Variants in TOP3A observed in about 807,000 individuals in gnomAD.
TOP3A encodes DNA topoisomerase III alpha, also known as DNA topoisomerase 3-alpha.
A neutral mutation model predicts 111.3 loss-of-function variants in TOP3A; 64 were observed. The ratio of observed to expected loss-of-function variants is 0.57; its 90% CI spans 0.47 to 0.71. The LOEUF (loss-of-function observed/expected upper bound fraction) is 0.71. Ranked by LOEUF, TOP3A falls within the 30% of genes least tolerant of loss-of-function variation. TOP3A has a pLI of 0.00. For synonymous variants in TOP3A, 484 were observed against 485.1 expected, an observed-to-expected ratio of 1.00 and a Z score of 0.03; for missense variants, 1,104 against 1,285.0, an observed-to-expected ratio of 0.86 and a Z score of 2.15.
Position 18,273,031 on chromosome 17 carries a change from A to C in TOP3A, c.*1771T>G, listed in dbSNP as rs769736320. 1 of 152,126 alleles carries C rather than the reference A, an allele frequency of 6.6e-6. No individual in the cohort carries two copies. Among genetic ancestry groups the C allele is most frequent in the Non-Finnish European group, 1.5e-5 (1 of 68,032 alleles). The allele number at this position is 152,126 out of a possible 1,614,324, so 9.4% of individuals were successfully genotyped here. Reference sequence around the variant, plus strand: ...CAAAAAGTGGTTGGTGGTACCCCGGAGCTGGGATAGGCAAAATCACACACG... The same window carrying C: ...CAAAAAGTGGTTGGTGGTACCCCGGCGCTGGGATAGGCAAAATCACACACG... On this transcript the variant is annotated 3_prime_UTR_variant, in exon 19 of 19. Coordinates refer to ENST00000321105, the MANE Select transcript of TOP3A (RefSeq NM_004618.5).
At chr17:18,278,445 T>G (rs1979548388) in intron 17 of TOP3A, 88 bp from the exon 18 acceptor site, 1 of 1,231,356 alleles carries the variant, frequency 8.1e-7, no homozygotes, top group African/African-American at 1.5e-5. Context: ...GCCCTAGGCC[T>G]CTCTCCACCA....
At chr17:18,306,814 T>A (rs1396436687) in intron 4 of TOP3A, 77 bp downstream of exon 4, 2 of 961,316 alleles carry the variant, frequency 2.1e-6, no homozygotes, top group Admixed American at 2.1e-5. Flanking sequence ...CAAATGCCAA[T>A]GCATTAAAAA....
rs558756856 is a variant in TOP3A at position 18,306,962 on chromosome 17, T to A, written c.319A>T (p.Ser107Cys). The A allele has an allele frequency of 1.9e-6, 3 of 1,612,986 alleles. No homozygotes were observed. Among genetic ancestry groups the A allele is most frequent in the African/African-American group, 2.7e-5 (2 of 75,030 alleles). The change falls in exon 4 of 19, where the codon AGC (serine) becomes TGC (cysteine). Residue 107 changes from serine to cysteine, a missense_variant. By Grantham distance (112) the Ser-to-Cys change is moderately radical (BLOSUM62 -1). Transcript: ENST00000321105. ...DFQMQFRKWQ[S>C]CNPLVLFEAE... is the part of the protein sequence containing the mutation. ...TCAAAGAGGACAAGAGGGTTGCAGC[T>A]CTGCCTAGAAAAGAAATGAAAACAG...
intron 13 of TOP3A, among the ~76,000 whole-genome samples, chr17:18,287,292 G>C (rs1003754436): frequency 1.3e-5 from 2 of 152,076 alleles, no homozygotes; most frequent in Admixed American, 1.3e-4. Flanking sequence ...CCAGCACTTT[G>C]GGAGACCGAG....
At chr17:18,295,492 G>A (rs1980740158) in intron 9 of TOP3A, among the ~76,000 whole-genome samples, 1 of 151,362 alleles carries the variant, frequency 6.6e-6, no homozygotes, top group African/African-American at 2.4e-5. Flanking sequence ...AGACAGTCTC[G>A]CTCTTGTTGC....
intron 11 of TOP3A, 115 bp from the exon 12 acceptor site, chr17:18,291,142 A>G: frequency 9.3e-7 from 1 of 1,073,620 alleles, no homozygotes; most frequent in African/African-American, 1.6e-5. Flanking sequence ...ACTGCTCCTC[A>G]GGCCCTGCAC....
chr17:18,279,355 C>T (rs1411156284), intron 17 of TOP3A, among the ~76,000 whole-genome samples: 1 of 152,006 alleles, frequency 6.6e-6, no homozygotes, highest in East Asian at 1.9e-4. Flanking sequence ...CTCCTGGGTT[C>T]ACGCCATTCT....
chr17:18,285,602 G>A (rs536649707), intron 13 of TOP3A, 82 bp from the exon 14 acceptor site: 57 of 1,172,634 alleles, frequency 4.9e-5, no homozygotes, highest in African/African-American at 1.2e-4. Flanking sequence ...TGCTCACCCC[G>A]GAATCCCTCC....
chr17:18,298,502 A>G, intron 9 of TOP3A, among the ~76,000 whole-genome samples: 1 of 144,540 alleles, frequency 6.9e-6, no homozygotes, highest in Non-Finnish European at 1.5e-5. Flanking sequence ...GGCTGCCCCT[A>G]CTGGGAAGTG....
intron 1 of TOP3A, among the ~76,000 whole-genome samples, chr17:18,313,696 T>C (rs897874984): frequency 1.3e-5 from 2 of 151,964 alleles, no homozygotes; most frequent in Admixed American, 1.3e-4. Flanking sequence ...TAGACAAACC[T>C]TGGGGCTGGT....
chr17:18,312,437 T>C (rs1981971533), intron 1 of TOP3A: 1 of 154,144 alleles, frequency 6.5e-6, no homozygotes, highest in Non-Finnish European at 1.5e-5. Flanking sequence ...CCGTCAAGAC[T>C]GTGGTGTCAA....
At position 18,292,733 on chromosome 17, in the gene TOP3A, T is replaced by G; in HGVS notation, c.1193A>C (p.Glu398Ala). Residue 398 changes from glutamate to alanine, a missense_variant, in exon 11 of 19, where the codon GAG becomes GCG. Physicochemically the swap from Glu to Ala is moderately radical, Grantham distance 107 (BLOSUM62 -1). Transcript: ENST00000321105. ...RWGAFAQSIL[E>A]RGGPTPRNGN... ...ATTGCGTGGGGTGGGACCACCCCGCTCTAGAATGCTCTGGGCAAAGGCCCC... is the reference window on the plus strand; with the variant it reads ...ATTGCGTGGGGTGGGACCACCCCGCGCTAGAATGCTCTGGGCAAAGGCCCC... 1 of 1,612,874 alleles carries G rather than the reference T, an allele frequency of 6.2e-7. No homozygotes were observed. The highest frequency in any genetic ancestry group is 8.5e-7 in the Non-Finnish European group (1 of 1,179,234).
chr17:18,306,984 A>G lies in TOP3A; in HGVS notation c.315-18T>C. 1 of 1,593,792 alleles carries G rather than the reference A, an allele frequency of 6.3e-7. No homozygotes were observed. The highest frequency in any genetic ancestry group is 1.1e-5 in the South Asian group (1 of 90,584). On this transcript the variant is annotated intron_variant, in intron 3 of 18. Transcript: ENST00000321105. Reference sequence around the variant, plus strand: ...AGCTCTGCCTAGAAAAGAAATGAAAACAGAGTCCCAACTCAGTACATGACA... The same window carrying G: ...AGCTCTGCCTAGAAAAGAAATGAAAGCAGAGTCCCAACTCAGTACATGACA...
At chr17:18,303,960 G>T (rs1363172428) in intron 5 of TOP3A, among the ~76,000 whole-genome samples, 1 of 152,058 alleles carries the variant, frequency 6.6e-6, no homozygotes, top group East Asian at 1.9e-4. Flanking sequence ...ATACTAAAAT[G>T]CTCTTGGTGA....
At chr17:18,298,488 G>A (rs1365708230) in intron 9 of TOP3A, among the ~76,000 whole-genome samples, 1 of 150,080 alleles carries the variant, frequency 6.7e-6, no homozygotes, top group Non-Finnish European at 1.5e-5. Flanking sequence ...GGGCGCCTCT[G>A]CCCGGCTGCC....
In TOP3A at chr17:18,277,206, AG is replaced by A. The variant is rs567230823; in HGVS notation, c.2827+468del. On this transcript the variant is annotated intron_variant, in intron 18 of 18. Coordinates refer to ENST00000321105, the MANE Select transcript of TOP3A (RefSeq NM_004618.5). ...TCTCCAAAAAAAAAAAAAAAAAAAA[AG>A]AAATGAGGCTGATGCTTATGGTCTG... is the stretch of plus-strand genomic sequence containing the variant. Among the ~76,000 whole-genome samples the A allele has an allele frequency of 1.7e-3, 240 of 144,040 alleles. 2 individuals are homozygous for A. Among genetic ancestry groups the A allele is most frequent in the African/African-American group, 5.6e-3 (223 of 39,474 alleles). 94.5% of individuals were successfully genotyped at this position (144,040 alleles called of 152,430 possible). A position where few individuals can be genotyped will look rare whatever the true frequency, so the allele number is the denominator to read the frequency against.
rs772823554 is a variant in TOP3A, at chr17:18,308,960, T to TA, written c.181-20dup. 4.1e-4 allele frequency: 520 copies of TA among 1,274,480 alleles called. No individual in the cohort carries two copies. Among genetic ancestry groups the TA allele is most frequent in the Non-Finnish European group, 4.9e-4 (449 of 917,230 alleles). 78.9% of individuals were successfully genotyped at this position (1,274,480 alleles called of 1,614,324 possible). On this transcript the variant is annotated intron_variant, in intron 1 of 18. Transcript: ENST00000321105. ...CTTCTCTCTATAAAACAAAAATAAG[T>TA]AAAAAATATAAATTACGTTTAAAAC...
Position 18,287,396 on chromosome 17 carries a change from C to T in TOP3A, c.1598-1876G>A, listed in dbSNP as rs533778930. 1.2e-4 allele frequency among the ~76,000 whole-genome samples: 18 copies of T among 151,976 alleles called. No individual in the cohort carries two copies. In the South Asian group the frequency reaches 3.3e-3, roughly 28 times the overall value. Reference sequence around the variant, plus strand: ...AAAATACAAAAATTAGCCAGTGATGCGCACCTGTAGTCCCAGCTACTCAGG... The same window carrying T: ...AAAATACAAAAATTAGCCAGTGATGTGCACCTGTAGTCCCAGCTACTCAGG... On this transcript the variant is annotated intron_variant, in intron 13 of 18. Transcript: ENST00000321105.
At chr17:18,302,535 C>T in intron 6 of TOP3A, 45 bp downstream of exon 6, 1 of 1,602,784 alleles carries the variant, frequency 6.2e-7, no homozygotes, top group Non-Finnish European at 8.5e-7. Flanking sequence ...GGTCCCATAA[C>T]ACAACATTAA....
Sources: allele counts gnomAD v4.1 joint callset (sites outside exome capture counted in the v4.1 genomes callset), GRCh38; gene constraint gnomAD v4.1.1; transcripts MANE v1.5; gene names NCBI Gene and HGNC (gene_info 2026-07-23, HGNC 2026-07-21).